The following POU2F1 variants were observed in gnomAD, a reference collection of about 807,000 sequenced individuals.
The protein encoded by POU2F1 is POU class 2 homeobox 1.
POU2F1 carries 16 observed loss-of-function variants against 84.9 expected under a neutral mutation model. The observed-to-expected ratio is 0.19, with a 90% CI of 0.13 to 0.29. POU2F1 has a LOEUF of 0.29. POU2F1 is among the 10% of genes least tolerant of loss of function. The probability of loss-of-function intolerance (pLI) is 1.00; values close to 1 mark genes in which losing one functional copy is unlikely to be tolerated. For missense variants in POU2F1, 738 were observed against 942.6 expected, an observed-to-expected ratio of 0.78 and a Z score of 2.84; for synonymous variants, 368 against 368.3, an observed-to-expected ratio of 1.00 and a Z score of 0.01.
chr1:167,301,099 C>G (rs896177147), intron 1 of POU2F1, among the ~76,000 whole-genome samples: 2 of 152,110 alleles, frequency 1.3e-5, no homozygotes, highest in African/African-American at 4.8e-5. Flanking sequence ...TTAATTAAAC[C>G]AAGGAACTGT....
chr1:167,370,741 G>C (rs1253873986), intron 4 of POU2F1, among the ~76,000 whole-genome samples: 1 of 152,198 alleles, frequency 6.6e-6, no homozygotes, highest in Admixed American at 6.5e-5. Flanking sequence ...ACATTTATAA[G>C]ATTGCCAGGG....
chr1:167,222,017 GC>G (rs1056490629), intron 1 of POU2F1, among the ~76,000 whole-genome samples: 3 of 151,996 alleles, frequency 2.0e-5, no homozygotes, highest in African/African-American at 7.2e-5. Flanking sequence ...CCTCCCCGCT[GC>G]CCCCCCTCCG....
intron 2 of POU2F1, among the ~76,000 whole-genome samples, chr1:167,340,763 G>A (rs368930914): frequency 1.3e-5 from 2 of 152,064 alleles, no homozygotes; most frequent in South Asian, 2.1e-4. Flanking sequence ...CAAGATAACA[G>A]TACTAAGTAA....
chr1:167,245,789 T>C (rs943229761), intron 1 of POU2F1, among the ~76,000 whole-genome samples: 2 of 152,246 alleles, frequency 1.3e-5, no homozygotes, highest in African/African-American at 4.8e-5. Context: ...ACTCCTGGGC[T>C]TAAGCAGTCC....
intron 2 of POU2F1, among the ~76,000 whole-genome samples, chr1:167,365,011 C>A (rs539626911): frequency 6.6e-6 from 1 of 152,322 alleles, no homozygotes; most frequent in South Asian, 2.1e-4. Context: ...TTTTTGCCAT[C>A]AGATTGCTAT....
chr1:167,376,105 A>C lies in POU2F1; in HGVS notation c.668A>C (p.Asn223Thr). 6.2e-7 allele frequency: 1 copy of C among 1,614,202 alleles called. No individual in the cohort carries two copies. The highest frequency in any genetic ancestry group is 8.5e-7 in the Non-Finnish European group (1 of 1,180,024). The stretch of plus-strand genomic sequence containing the variant: ...TTTGTGTTGGTGCATCCAACCACCA[A>C]TTTGCAGCCAGCGCAGTTTATCATC... Reference protein sequence around the residue: ...QQFVLVHPTTNLQPAQFIISQ... With the variant: ...QQFVLVHPTTTLQPAQFIISQ... The change falls in exon 7 of 16, where the codon AAT (asparagine) becomes ACT (threonine). Residue 223 changes from asparagine to threonine, a missense_variant. By Grantham distance (65) the Asn-to-Thr change is moderately conservative. Coordinates refer to ENST00000367866, the MANE Select transcript of POU2F1 (RefSeq NM_002697.4).
chr1:167,268,882 C>G (rs1271376529), intron 1 of POU2F1, among the ~76,000 whole-genome samples: 1 of 152,180 alleles, frequency 6.6e-6, no homozygotes, highest in Non-Finnish European at 1.5e-5. Context: ...TATTCTCTGT[C>G]TTTTAATCCT....
chr1:167,342,059 G>T (rs992944518), intron 2 of POU2F1, among the ~76,000 whole-genome samples: 1 of 151,990 alleles, frequency 6.6e-6, no homozygotes. Context: ...GGAGCCTGGG[G>T]TCTGGGGGTT....
At chr1:167,339,474 G>A (rs1657693174) in intron 2 of POU2F1, among the ~76,000 whole-genome samples, 1 of 152,132 alleles carries the variant, frequency 6.6e-6, no homozygotes, top group Non-Finnish European at 1.5e-5. Flanking sequence ...GGTTTGGTAG[G>A]AAAAAACTAA....
chr1:167,326,826 C>T (rs1656739135), intron 1 of POU2F1, among the ~76,000 whole-genome samples: 1 of 152,100 alleles, frequency 6.6e-6, no homozygotes, highest in Admixed American at 6.5e-5. Flanking sequence ...TCATCCTTAG[C>T]TAATATATGA....
intron 1 of POU2F1, among the ~76,000 whole-genome samples, chr1:167,323,478 G>A (rs567674017): frequency 2.0e-5 from 3 of 152,298 alleles, no homozygotes; most frequent in Admixed American, 2.0e-4. Context: ...GCTTTCTGGT[G>A]GAGTAGCTTT....
chr1:167,241,237 A>G (rs1649877445), intron 1 of POU2F1, among the ~76,000 whole-genome samples: 1 of 152,212 alleles, frequency 6.6e-6, no homozygotes, highest in Non-Finnish European at 1.5e-5. Context: ...TTGATTTGCC[A>G]GTGTAAAGCA....
chr1:167,261,112 GAGT>G (rs1651532335), intron 1 of POU2F1, among the ~76,000 whole-genome samples: 1 of 152,064 alleles, frequency 6.6e-6, no homozygotes, highest in African/African-American at 2.4e-5. Context: ...TTGAATAGGA[GAGT>G]GGTTCCCAGT....
At chr1:167,280,189 G>A (rs1284673384) in intron 1 of POU2F1, among the ~76,000 whole-genome samples, 6 of 26,236 alleles carry the variant, frequency 2.3e-4, no homozygotes, top group African/African-American at 3.9e-4. Context: ...CTCTGTCTCG[G>A]GGAAAAAAAA....
intron 1 of POU2F1, among the ~76,000 whole-genome samples, chr1:167,309,710 T>G (rs562193011): frequency 6.6e-6 from 1 of 152,304 alleles, no homozygotes; most frequent in South Asian, 2.1e-4. Flanking sequence ...TGATGGAAAT[T>G]CTTTGAGATT....
intron 1 of POU2F1, among the ~76,000 whole-genome samples, chr1:167,287,022 A>T (rs570918922): frequency 2.0e-5 from 3 of 152,170 alleles, no homozygotes; most frequent in Non-Finnish European, 4.4e-5. Context: ...GTTGTACTGG[A>T]TCTTCTCGAG....
chr1:167,270,122 C>G (rs1269812724), intron 1 of POU2F1, among the ~76,000 whole-genome samples: 1 of 151,992 alleles, frequency 6.6e-6, no homozygotes, highest in Non-Finnish European at 1.5e-5. Context: ...GAAGTAATTC[C>G]TTTGTAGGAA....
At chr1:167,315,002 C>CT (rs1655784553) in intron 1 of POU2F1, among the ~76,000 whole-genome samples, 1 of 152,152 alleles carries the variant, frequency 6.6e-6, no homozygotes, top group African/African-American at 2.4e-5. Context: ...TCCCCAGTCT[C>CT]TGTCTCTCTT....
intron 1 of POU2F1, among the ~76,000 whole-genome samples, chr1:167,249,884 G>C (rs1208250489): frequency 1.3e-5 from 2 of 152,174 alleles, no homozygotes; most frequent in South Asian, 4.1e-4. Flanking sequence ...ACTGTGATGA[G>C]CAATGAAATA....
Sources: allele counts gnomAD v4.1 joint callset (sites outside exome capture counted in the v4.1 genomes callset), GRCh38; gene constraint gnomAD v4.1.1; transcripts MANE v1.5; gene names NCBI Gene and HGNC (gene_info 2026-07-23, HGNC 2026-07-21).